The following ASAP2 variants were observed in gnomAD, a reference collection of about 807,000 sequenced individuals.
ASAP2 encodes ArfGAP with SH3 domain, ankyrin repeat and PH domain 2, also known as arf-GAP with SH3 domain, ANK repeat and PH domain-containing protein 2.
ASAP2 carries 45 observed loss-of-function variants against 131.4 expected under a neutral mutation model. The ratio of observed to expected loss-of-function variants is 0.34; its 90% CI spans 0.27 to 0.44. The LOEUF (loss-of-function observed/expected upper bound fraction) is 0.44. Ranked by LOEUF, ASAP2 falls within the 20% of genes least tolerant of loss-of-function variation. The pLI is 1.00. For missense variants in ASAP2, 1,011 were observed against 1,297.0 expected, an observed-to-expected ratio of 0.78 and a Z score of 3.39; for synonymous variants, 510 against 503.0, an observed-to-expected ratio of 1.01 and a Z score of -0.19.
intron 1 of ASAP2, among the ~76,000 whole-genome samples, chr2:9,267,875 G>A (rs1666047246): frequency 8.2e-6 from 1 of 121,216 alleles, no homozygotes; most frequent in African/African-American, 3.4e-5. Context: ...TCCAGCCTGA[G>A]CAACAGAGCA....
intron 9 of ASAP2, 105 bp from the exon 10 acceptor site, chr2:9,344,427 G>A (rs953091283): frequency 7.3e-6 from 6 of 827,532 alleles, no homozygotes; most frequent in Non-Finnish European, 1.1e-5. Flanking sequence ...AATTTTTGTT[G>A]TTGTTAAAAA....
intron 1 of ASAP2, among the ~76,000 whole-genome samples, chr2:9,266,582 T>C (rs1453053654): frequency 6.6e-6 from 1 of 152,194 alleles, no homozygotes; most frequent in Non-Finnish European, 1.5e-5. Flanking sequence ...GTGCACCTTG[T>C]TACCCAGGCT....
At position 9,395,811 on chromosome 2, in the gene ASAP2, G is replaced by A. The variant is rs112601720; in HGVS notation, c.2684+2164G>A. 3.3e-5 allele frequency among the ~76,000 whole-genome samples: 5 copies of A among 151,508 alleles called. No homozygotes were observed. In the East Asian group the frequency reaches 7.8e-4, roughly 24 times the overall value. On this transcript the variant is annotated intron_variant, in intron 24 of 27. Transcript: ENST00000281419. ...TTTAGTAGAGATGGGGTTTCACCGGGTTAGCCAGGATGGTCTCAATCTCCT... is the reference window on the plus strand; with the variant it reads ...TTTAGTAGAGATGGGGTTTCACCGGATTAGCCAGGATGGTCTCAATCTCCT...
chr2:9,241,758 A>T (rs950361972), intron 1 of ASAP2, among the ~76,000 whole-genome samples: 6 of 152,218 alleles, frequency 3.9e-5, no homozygotes, highest in Non-Finnish European at 7.3e-5. Context: ...ATTAGTGAGT[A>T]TATGCCAGAC....
chr2:9,369,697 A>G (rs1290885203), intron 16 of ASAP2, among the ~76,000 whole-genome samples: 1 of 152,240 alleles, frequency 6.6e-6, no homozygotes, highest in Non-Finnish European at 1.5e-5. Flanking sequence ...TTAAAAATTC[A>G]TTTACAGAAA....
chr2:9,285,411 C>T (rs180820561), intron 2 of ASAP2, among the ~76,000 whole-genome samples: 8 of 152,304 alleles, frequency 5.3e-5, no homozygotes, highest in Non-Finnish European at 1.0e-4. Flanking sequence ...CACGTGTATA[C>T]AAAACAGTAG....
intron 5 of ASAP2, among the ~76,000 whole-genome samples, chr2:9,322,451 T>C (rs1670212786): frequency 6.6e-6 from 1 of 152,164 alleles, no homozygotes; most frequent in Non-Finnish European, 1.5e-5. Context: ...TTCTGTTGGT[T>C]TTGTTTAGTC....
At chr2:9,397,789 C>T (rs1489275261) in intron 24 of ASAP2, among the ~76,000 whole-genome samples, 2 of 108,010 alleles carry the variant, frequency 1.9e-5, no homozygotes, top group African/African-American at 8.2e-5. Context: ...GACGGAGTCT[C>T]GCTCTGTCGC....
intron 7 of ASAP2, among the ~76,000 whole-genome samples, chr2:9,328,428 CTT>C (rs1011826413): frequency 8.5e-5 from 13 of 152,202 alleles, no homozygotes; most frequent in African/African-American, 3.1e-4. Flanking sequence ...ATTTTTGGCT[CTT>C]TTTGTAGAGG....
chr2:9,295,011 T>C (rs1328122036), intron 2 of ASAP2, among the ~76,000 whole-genome samples: 1 of 152,240 alleles, frequency 6.6e-6, no homozygotes, highest in Non-Finnish European at 1.5e-5. Flanking sequence ...TCTTGACCGC[T>C]AATTTTGAGA....
chr2:9,403,438 C>T lies in ASAP2; in HGVS notation c.*111C>T. 3.3e-6 allele frequency: 3 copies of T among 918,870 alleles called. No homozygotes were observed. The highest frequency in any genetic ancestry group is 1.7e-5 in the African/African-American group (1 of 60,604). 56.9% of individuals were successfully genotyped at this position (918,870 alleles called of 1,614,324 possible). A position where few individuals can be genotyped will look rare whatever the true frequency, so the allele number is the denominator to read the frequency against. ...CTGTTTGTATGGCAGCCCATGTTCTCTAATGCCACTGCTCTGTTTTAAAAA... is the reference window on the plus strand; with the variant it reads ...CTGTTTGTATGGCAGCCCATGTTCTTTAATGCCACTGCTCTGTTTTAAAAA... On this transcript the variant is annotated 3_prime_UTR_variant, in exon 28 of 28. Coordinates refer to ENST00000281419, the MANE Select transcript of ASAP2 (RefSeq NM_003887.3).
At chr2:9,249,673 G>C (rs777088208) in intron 1 of ASAP2, among the ~76,000 whole-genome samples, 1 of 152,046 alleles carries the variant, frequency 6.6e-6, no homozygotes, top group Non-Finnish European at 1.5e-5. Flanking sequence ...CACAGCCTGA[G>C]TGAGACTGGG....
Position 9,374,897 on chromosome 2 carries a change from G to A in ASAP2, c.1699G>A (p.Ala567Thr). Residue 567 changes from alanine (A) to threonine (T), a missense_variant, in exon 17 of 28, where the codon GCT becomes ACT. This residue lies in a region of ASAP2 where 652 missense variants were observed against 698.9 expected (regional missense o/e 0.93). Coordinates refer to ENST00000281419, the MANE Select transcript of ASAP2 (RefSeq NM_003887.3). ...TATTTTTGGATTGCTCCAAGCTTAT[G>A]CTGATGGTGTGGATCTTACGGAAAA... ...RDIFGLLQAYADGVDLTEKIP... is the reference protein window; with the variant it reads ...RDIFGLLQAYTDGVDLTEKIP... The A allele has an allele frequency of 6.2e-7, 1 of 1,613,726 alleles. No individual in the cohort carries two copies. Among genetic ancestry groups the A allele is most frequent in the Non-Finnish European group, 8.5e-7 (1 of 1,179,914 alleles).
intron 21 of ASAP2, 85 bp from the exon 22 acceptor site, chr2:9,388,209 G>A: frequency 6.5e-7 from 1 of 1,549,358 alleles, no homozygotes; most frequent in Non-Finnish European, 8.8e-7. Flanking sequence ...TGGTGTCAGT[G>A]AGGTTTTCAC....
intron 27 of ASAP2, among the ~76,000 whole-genome samples, chr2:9,402,963 C>G (rs556618726): frequency 7.9e-5 from 12 of 152,312 alleles, no homozygotes; most frequent in African/African-American, 2.9e-4. Context: ...AGTGGTCAGA[C>G]AGCTGACCTG....
At chr2:9,401,058 C>G (rs1676621770) in intron 26 of ASAP2, among the ~76,000 whole-genome samples, 1 of 152,074 alleles carries the variant, frequency 6.6e-6, no homozygotes, top group South Asian at 2.1e-4. Context: ...GCTTCGTTTC[C>G]CAGCCCTTGG....
At position 9,379,049 on chromosome 2, in the gene ASAP2, C is replaced by A; in HGVS notation, c.1938C>A (p.Ser646=). The A allele has an allele frequency of 6.4e-7, 1 of 1,565,536 alleles. No individual in the cohort carries two copies. The highest frequency in any genetic ancestry group is 8.7e-7 in the Non-Finnish European group (1 of 1,154,748). The change falls in exon 19 of 28, where the codon TCC becomes TCA. Residue 646 remains serine (S), a synonymous_variant. Transcript: ENST00000281419. The part of the protein sequence containing the change: ...CLKLLLRGKA[S]IEIANESGET... ...AGTTGCTCCTGCGGGGGAAGGCCTCCATCGAGATAGGTGAGTGGGCCCGGG... is the reference window on the plus strand; with the variant it reads ...AGTTGCTCCTGCGGGGGAAGGCCTCAATCGAGATAGGTGAGTGGGCCCGGG...
chr2:9,400,681 G>A (rs1676585731), intron 25 of ASAP2, 61 bp from the exon 26 acceptor site: 2 of 1,448,100 alleles, frequency 1.4e-6, no homozygotes, highest in South Asian at 2.3e-5. Context: ...CTTGTACATT[G>A]TTTACATCTC....
chr2:9,353,113 A>G (rs904539771), intron 12 of ASAP2, among the ~76,000 whole-genome samples: 1 of 152,190 alleles, frequency 6.6e-6, no homozygotes, highest in Non-Finnish European at 1.5e-5. Context: ...CCGTGATTTG[A>G]TGAACATCCT....
Sources: gnomAD v4.1 joint callset for allele counts (sites outside exome capture counted in the v4.1 genomes callset) on GRCh38, gnomAD v4.1.1 for gene constraint, gnomAD v4.1.1 regional missense constraint, MANE v1.5 for transcripts, NCBI Gene and HGNC (gene_info 2026-07-23, HGNC 2026-07-21) for gene names.